Variants in LRP1B observed in about 807,000 individuals in gnomAD.
The protein encoded by LRP1B is low-density lipoprotein receptor-related protein 1B.
LRP1B carries 217 observed loss-of-function variants against 556.6 expected under a neutral mutation model. The observed-to-expected ratio is 0.39, with a 90% CI of 0.35 to 0.44. The LOEUF is 0.44. Ranked by LOEUF, LRP1B falls within the 20% of genes least tolerant of loss-of-function variation. LRP1B has a pLI of 1.00. For synonymous variants in LRP1B, 2,047 were observed against 1,865.8 expected, an observed-to-expected ratio of 1.10 and a Z score of -2.50; for missense variants, 5,053 against 5,620.8, an observed-to-expected ratio of 0.90 and a Z score of 3.23.
chr2:142,026,040 T>C (rs1703490685), intron 1 of LRP1B, among the ~76,000 whole-genome samples: 1 of 152,104 alleles, frequency 6.6e-6, no homozygotes, highest in South Asian at 2.1e-4. Flanking sequence ...AGACATGAGC[T>C]GGGCCTGACA....
intron 7 of LRP1B, among the ~76,000 whole-genome samples, chr2:141,114,180 A>AG (rs1473981967): frequency 6.6e-6 from 1 of 152,250 alleles, no homozygotes; most frequent in Non-Finnish European, 1.5e-5. Context: ...TGCAGGAGCC[A>AG]GGGCAACCTC....
At position 141,632,696 on chromosome 2, in the gene LRP1B, C is replaced by T. The variant is rs73965755; in HGVS notation, c.206-152163G>A. Among the ~76,000 whole-genome samples, 924 of 151,834 alleles carry T rather than the reference C, an allele frequency of 6.1e-3. 13 individuals carry two copies. The highest frequency in any genetic ancestry group is 0.021 in the African/African-American group (882 of 41,408). On this transcript the variant is annotated intron_variant, in intron 2 of 90. Coordinates refer to ENST00000389484, the MANE Select transcript of LRP1B (RefSeq NM_018557.3). ...TCAACATAATACCAAATGGGGTTGG[C>T]ATATAATGTAGAATGAAGGACTGAA...
At chr2:140,798,876 G>A (rs115618875) in intron 32 of LRP1B, among the ~76,000 whole-genome samples, 3,105 of 152,148 alleles carry the variant, frequency 0.02, 103 homozygotes, top group African/African-American at 0.071. Flanking sequence ...AGTTTTGACC[G>A]TGATCAATCC....
chr2:140,326,956 T>G (rs1680520136), intron 79 of LRP1B, among the ~76,000 whole-genome samples: 1 of 152,144 alleles, frequency 6.6e-6, no homozygotes, highest in African/African-American at 2.4e-5. Flanking sequence ...ACAGAGAATA[T>G]CTAAGAAAGT....
At chr2:141,551,104 A>T (rs964204979) in intron 2 of LRP1B, among the ~76,000 whole-genome samples, 19 of 152,068 alleles carry the variant, frequency 1.2e-4, no homozygotes, top group African/African-American at 4.6e-4. Flanking sequence ...TATGGTCTGC[A>T]ACCTTAGTAA....
At chr2:141,241,995 G>A (rs1034804145) in intron 5 of LRP1B, among the ~76,000 whole-genome samples, 1 of 151,464 alleles carries the variant, frequency 6.6e-6, no homozygotes, top group African/African-American at 2.4e-5. Context: ...TCTACAAGAA[G>A]CCATTCTTAG....
intron 3 of LRP1B, among the ~76,000 whole-genome samples, chr2:141,323,688 A>C (rs111935850): frequency 0.021 from 3,193 of 152,160 alleles, 56 homozygotes; most frequent in Non-Finnish European, 0.034. Context: ...ATCAAGACTC[A>C]CAGATGTTAC....
At chr2:140,639,220 G>A (rs1166617067) in intron 41 of LRP1B, among the ~76,000 whole-genome samples, 1 of 151,996 alleles carries the variant, frequency 6.6e-6, no homozygotes. Flanking sequence ...GTTACCTTAA[G>A]TACCACTCCA....
intron 3 of LRP1B, among the ~76,000 whole-genome samples, chr2:141,297,896 G>A (rs2105423359): frequency 6.6e-6 from 1 of 152,208 alleles, no homozygotes; most frequent in Admixed American, 6.5e-5. Flanking sequence ...TTGTCACCTA[G>A]TAGCAATAGT....
intron 41 of LRP1B, among the ~76,000 whole-genome samples, chr2:140,655,769 C>T (rs1684857444): frequency 6.6e-6 from 1 of 152,036 alleles, no homozygotes; most frequent in Admixed American, 6.6e-5. Flanking sequence ...GGTGAAACCC[C>T]GTCTCTACTA....
chr2:140,328,875 AAAT>A (rs1680641141), intron 79 of LRP1B, among the ~76,000 whole-genome samples: 2 of 152,064 alleles, frequency 1.3e-5, no homozygotes, highest in Admixed American at 1.3e-4. Flanking sequence ...AATAACAGCA[AAAT>A]AATCCTAACA....
chr2:140,396,879 G>A (rs981609307), intron 66 of LRP1B, among the ~76,000 whole-genome samples: 1 of 152,126 alleles, frequency 6.6e-6, no homozygotes, highest in Non-Finnish European at 1.5e-5. Flanking sequence ...TTGGTTGTCA[G>A]CACTGATTTA....
At chr2:140,875,457 T>C (rs1183195514) in intron 25 of LRP1B, among the ~76,000 whole-genome samples, 5 of 152,188 alleles carry the variant, frequency 3.3e-5, no homozygotes, top group Non-Finnish European at 7.4e-5. Context: ...ATTAGCTTCC[T>C]GCTTTTATTT....
chr2:140,871,834 C>T (rs751786535), intron 25 of LRP1B, among the ~76,000 whole-genome samples: 2 of 152,000 alleles, frequency 1.3e-5, no homozygotes, highest in East Asian at 1.9e-4. Context: ...CTATATCAAG[C>T]CTTTTCTTGT....
At chr2:141,229,677 TA>T (rs1457881725) in intron 5 of LRP1B, among the ~76,000 whole-genome samples, 1 of 152,218 alleles carries the variant, frequency 6.6e-6, no homozygotes, top group Non-Finnish European at 1.5e-5. Context: ...ATGTGTTGTC[TA>T]AATGTGAGGA....
chr2:141,230,380 T>C (rs899590431), intron 5 of LRP1B, among the ~76,000 whole-genome samples: 4 of 152,168 alleles, frequency 2.6e-5, no homozygotes, highest in African/African-American at 9.7e-5. Flanking sequence ...ATCTAGATTA[T>C]TTCAAAGTTT....
rs79708188 is a variant in LRP1B, at chr2:140,713,272, A to G, written c.6023+2701T>C. ...AGAGCACATTCTCTTCCCTCTCTCC[A>G]AATTTGACCTGACTCCCTTTGGTAT... On this transcript the variant is annotated intron_variant, in intron 37 of 90. Coordinates refer to ENST00000389484, the MANE Select transcript of LRP1B (RefSeq NM_018557.3). 4.4e-3 allele frequency among the ~76,000 whole-genome samples: 671 copies of G among 152,084 alleles called. 5 individuals are homozygous for G. Among genetic ancestry groups the G allele is most frequent in the African/African-American group, 0.015 (641 of 41,488 alleles).
chr2:140,425,944 C>T lies in LRP1B; in HGVS notation c.10414+16560G>A, dbSNP rs569295695. ...CAACTTCTTTGGATTCCTGGAGTTA[C>T]TAATAAAATGGCTTAATATTTTCAG... On this transcript the variant is annotated intron_variant, in intron 66 of 90. Transcript: ENST00000389484. Among the ~76,000 whole-genome samples, 6 of 152,146 alleles carry T rather than the reference C, an allele frequency of 3.9e-5. No homozygotes were observed. In the East Asian group the frequency reaches 5.8e-4, roughly 15 times the overall value.
At chr2:142,127,976 T>C (rs1463285450) in intron 1 of LRP1B, among the ~76,000 whole-genome samples, 1 of 152,126 alleles carries the variant, frequency 6.6e-6, no homozygotes, top group Non-Finnish European at 1.5e-5. Flanking sequence ...ATCTGATTTA[T>C]CTTCCAATTT....
Sources: gnomAD v4.1 joint callset for allele counts (sites outside exome capture counted in the v4.1 genomes callset) on GRCh38, gnomAD v4.1.1 for gene constraint, MANE v1.5 for transcripts, NCBI Gene and HGNC (gene_info 2026-07-23, HGNC 2026-07-21) for gene names.